Variants in TF observed in about 807,000 individuals in gnomAD.
TF encodes the protein serotransferrin.
A neutral mutation model predicts 82.4 loss-of-function variants in TF; 55 were observed. That is an observed-to-expected ratio of 0.67 (90% CI 0.54 to 0.84). The LOEUF is 0.84. Ranked by LOEUF, TF falls within the 40% of genes least tolerant of loss-of-function variation. The pLI is 0.00. For synonymous variants in TF, 332 were observed against 332.6 expected, an observed-to-expected ratio of 1.00 and a Z score of 0.02; for missense variants, 737 against 868.4, an observed-to-expected ratio of 0.85 and a Z score of 1.90.
At chr3:133,711,424 A>G in the TF span, among the ~76,000 whole-genome samples, 2 of 152,170 alleles carry the variant, frequency 1.3e-5, no homozygotes, top group Non-Finnish European at 2.9e-5. Context: ...CACTAAGCTC[A>G]TCCTGTTCAA....
intron 4 of TF, among the ~76,000 whole-genome samples, chr3:133,754,885 C>G (rs1238391093): frequency 6.6e-6 from 1 of 152,232 alleles, no homozygotes; most frequent in African/African-American, 2.4e-5. Flanking sequence ...AAAACCCCAG[C>G]AGAGGCTGTT....
chr3:133,756,355 A>C lies in TF; in HGVS notation c.691+18A>C. ...TATATTTGGTAAGAATGGGACAAGA[A>C]TCCACCAGGGCCACTCCAAGTAGTG... On this transcript the variant is annotated intron_variant, in intron 6 of 16. Transcript: ENST00000402696. The C allele has an allele frequency of 6.2e-7, 1 of 1,613,794 alleles. No homozygotes were observed. Among genetic ancestry groups the C allele is most frequent in the East Asian group, 2.2e-5 (1 of 44,870 alleles).
intron 11 of TF, 95 bp from the exon 12 acceptor site, chr3:133,766,183 G>A: frequency 1.7e-6 from 2 of 1,177,556 alleles, no homozygotes; most frequent in Non-Finnish European, 2.6e-6. Flanking sequence ...GACTGATTGA[G>A]GATATCTTTG....
chr3:133,768,071 A>C lies in TF; in HGVS notation c.1529A>C (p.Asp510Ala), dbSNP rs1387429364. ...SEGCAPGSKK[D>A]SSLCKLCMGS... ...GGTTGTGCCCCTGGGTCTAAGAAAG[A>C]CTCCAGTCTCTGTAAGCTGTGTATG... Residue 510 changes from aspartate (D) to alanine (A), a missense_variant, in exon 13 of 17, where the codon GAC becomes GCC. Transcript: ENST00000402696. The C allele has an allele frequency of 6.2e-7, 1 of 1,614,082 alleles. No homozygotes were observed. Among genetic ancestry groups the C allele is most frequent in the African/African-American group, 1.3e-5 (1 of 75,000 alleles).
At chr3:133,768,229 A>G in intron 13 of TF, 65 bp downstream of exon 13, 1 of 1,596,484 alleles carries the variant, frequency 6.3e-7, no homozygotes, top group Non-Finnish European at 8.6e-7. Flanking sequence ...TCTTTTAGGA[A>G]CTAAGGTAAG....
At chr3:133,726,728 T>C in the TF span, among the ~76,000 whole-genome samples, 1 of 152,324 alleles carries the variant, frequency 6.6e-6, no homozygotes, top group East Asian at 1.9e-4. Flanking sequence ...CTTGCATTTC[T>C]AGTTGTTTTA....
At chr3:133,711,824 A>G in the TF span, among the ~76,000 whole-genome samples, 1 of 152,008 alleles carries the variant, frequency 6.6e-6, no homozygotes. Flanking sequence ...AACTAATGAC[A>G]GTAAAAGGGT....
chr3:133,750,255 C>A (rs970402243), intron 2 of TF, among the ~76,000 whole-genome samples: 4 of 152,152 alleles, frequency 2.6e-5, no homozygotes, highest in Admixed American at 6.5e-5. Flanking sequence ...GGAACCGGGC[C>A]ATCCTAGGGA....
chr3:133,736,631 C>CAA, the TF span, among the ~76,000 whole-genome samples: 14 of 32,558 alleles, frequency 4.3e-4, no homozygotes, highest in African/African-American at 1.3e-3. Flanking sequence ...AATGGAAAGC[C>CAA]AAAAAAAAAA....
chr3:133,750,743 G>T (rs2107909716), intron 2 of TF, among the ~76,000 whole-genome samples: 1 of 152,000 alleles, frequency 6.6e-6, no homozygotes, highest in South Asian at 2.1e-4. Flanking sequence ...CACTGCAATG[G>T]GCAAAGCTCT....
chr3:133,763,556 G>A (rs985390287), intron 9 of TF, among the ~76,000 whole-genome samples: 1 of 152,074 alleles, frequency 6.6e-6, no homozygotes, highest in Non-Finnish European at 1.5e-5. Flanking sequence ...CCAAATAGTT[G>A]CCCACCAATC....
the TF span, among the ~76,000 whole-genome samples, chr3:133,679,391 A>G: frequency 4.6e-5 from 7 of 152,330 alleles, no homozygotes; most frequent in East Asian, 1.2e-3. Context: ...AAGTATACAT[A>G]TAGTTCAGTG....
At chr3:133,761,501 T>TA (rs1170770760) in intron 9 of TF, 2 of 151,810 alleles carry the variant, frequency 1.3e-5, no homozygotes, top group African/African-American at 2.4e-5. Context: ...CTCAAAAAAA[T>TA]AAAAAATAAA....
chr3:133,732,819 G>A, the TF span, among the ~76,000 whole-genome samples: 5 of 126,984 alleles, frequency 3.9e-5, no homozygotes, highest in African/African-American at 1.3e-4. Context: ...CACCAATTCC[G>A]GACACATTAT....
chr3:133,731,744 T>C, the TF span, among the ~76,000 whole-genome samples: 20 of 152,214 alleles, frequency 1.3e-4, no homozygotes, highest in African/African-American at 4.3e-4. Context: ...ACATTTGTAC[T>C]CCTATTACTA....
chr3:133,707,190 T>TCA, the TF span, among the ~76,000 whole-genome samples: 17,538 of 144,522 alleles, frequency 0.12, 1,081 homozygotes, highest in Middle Eastern at 0.2. Context: ...AACCTCAGAG[T>TCA]CACACACACA....
chr3:133,741,861 TA>T (rs1576351471), upstream of TF, among the ~76,000 whole-genome samples: 1 of 152,256 alleles, frequency 6.6e-6, no homozygotes, highest in Admixed American at 6.5e-5. Flanking sequence ...TCATAGAAGT[TA>T]TTTTTTTATC....
chr3:133,672,991 A>G, the TF span, among the ~76,000 whole-genome samples: 1 of 152,216 alleles, frequency 6.6e-6, no homozygotes, highest in East Asian at 1.9e-4. Context: ...TATGGTTAAT[A>G]ATATTTAAAA....
At chr3:133,755,860 C>T (rs1334919073) in intron 5 of TF, 1 of 441,922 alleles carries the variant, frequency 2.3e-6, no homozygotes. Context: ...GCAGTGTTAC[C>T]TGCTCAGCAC....
Sources: gnomAD v4.1 joint callset for allele counts (sites outside exome capture counted in the v4.1 genomes callset) on GRCh38, gnomAD v4.1.1 for gene constraint, MANE v1.5 for transcripts, NCBI Gene and HGNC (gene_info 2026-07-23, HGNC 2026-07-21) for gene names.